Variants in PDZD9 observed in about 807,000 individuals in gnomAD.
PDZD9 encodes PDZ domain-containing protein 9.
A neutral mutation model predicts 16.3 loss-of-function variants in PDZD9; 13 were observed. The ratio of observed to expected loss-of-function variants is 0.80; its 90% CI spans 0.52 to 1.27. The LOEUF (loss-of-function observed/expected upper bound fraction) is 1.27. Among genes scored for constraint, PDZD9 ranks in the 50% most tolerant of loss-of-function variants. The pLI is 0.00. For synonymous variants in PDZD9, 120 were observed against 111.0 expected (o/e 1.08, Z -0.51); for missense variants, 288 against 310.9 (o/e 0.93, Z 0.55).
At chr16:21,990,991 C>T (rs1191083937) in intron 2 of PDZD9, among the ~76,000 whole-genome samples, 5 of 151,944 alleles carry the variant, frequency 3.3e-5, no homozygotes, top group African/African-American at 4.8e-5. Flanking sequence ...AACTTTGTCT[C>T]GATTACCTAC....
intron 2 of PDZD9, among the ~76,000 whole-genome samples, chr16:21,991,865 C>A (rs1899029977): frequency 6.6e-6 from 1 of 152,128 alleles, no homozygotes; most frequent in African/African-American, 2.4e-5. Flanking sequence ...AGATTTGGGG[C>A]TCTGGACTTC....
chr16:21,971,936 A>T, the PDZD9 span: 1 of 1,614,118 alleles, frequency 6.2e-7, no homozygotes, highest in Non-Finnish European at 8.5e-7. Flanking sequence ...AAATCCGAGA[A>T]CAGAATGGAG....
the PDZD9 span, among the ~76,000 whole-genome samples, chr16:21,969,875 T>G: frequency 7.0e-6 from 1 of 143,490 alleles, no homozygotes; most frequent in East Asian, 2.0e-4. Context: ...TTTGTTTTTG[T>G]TTTTTTTTTT....
rs1362670035 is a variant in PDZD9 at position 21,988,714 on chromosome 16, T to TA, written c.288dup (p.Ile97TyrfsTer17). The TA allele has an allele frequency of 2.5e-6, 4 of 1,613,138 alleles. No individual in the cohort carries two copies. The Admixed American group carries it at 6.7e-5, about 27-fold the overall frequency. On this transcript the variant is annotated frameshift_variant, in exon 3 of 4. Coordinates refer to ENST00000424898, the MANE Select transcript of PDZD9 (RefSeq NM_001363519.1). LOFTEE classifies it high-confidence loss of function. ...ATTTGTAGCACTGTTCCAATAGTGA[T>TA]ATGTTGCAAAAGCTGTAAAAATTCT...
At position 21,992,162 on chromosome 16, in the gene PDZD9, G is replaced by A. The variant is rs751971631; in HGVS notation, c.212-3371C>T. Among the ~76,000 whole-genome samples the A allele has an allele frequency of 3.3e-5, 5 of 152,074 alleles. No homozygotes were observed. In the East Asian group the frequency reaches 9.6e-4, roughly 29 times the overall value. ...GAGGATTGCTTGAGCCCAGGGGTTC[G>A]AGGCTGCAGTGAGCTATGATTGCGC... On this transcript the variant is annotated intron_variant, in intron 2 of 3. Transcript: ENST00000424898.
chr16:21,996,945 C>T (rs1366222708), intron 1 of PDZD9, among the ~76,000 whole-genome samples: 2 of 152,132 alleles, frequency 1.3e-5, no homozygotes, highest in South Asian at 2.1e-4. Flanking sequence ...ACCTCAGCCT[C>T]CTAAGTAGCT....
At chr16:21,994,688 C>G (rs1015111849) in intron 2 of PDZD9, among the ~76,000 whole-genome samples, 1 of 152,196 alleles carries the variant, frequency 6.6e-6, no homozygotes, top group Non-Finnish European at 1.5e-5. Flanking sequence ...GTTAGCAATG[C>G]TTAATACTGC....
chr16:21,988,371 C>A (rs1426403485), intron 3 of PDZD9, among the ~76,000 whole-genome samples: 1 of 152,040 alleles, frequency 6.6e-6, no homozygotes, highest in Admixed American at 6.6e-5. Context: ...GGCATGGGGA[C>A]AAAATTCCCA....
At chr16:21,977,551 A>C in the PDZD9 span, among the ~76,000 whole-genome samples, 1 of 152,140 alleles carries the variant, frequency 6.6e-6, no homozygotes, top group Non-Finnish European at 1.5e-5. Context: ...CAATTTATAA[A>C]TCCCCACTGT....
chr16:21,992,720 G>A (rs749409736), intron 2 of PDZD9, among the ~76,000 whole-genome samples: 1 of 152,200 alleles, frequency 6.6e-6, no homozygotes, highest in Non-Finnish European at 1.5e-5. Flanking sequence ...ACAGACTGGA[G>A]GCTACACTGT....
chr16:21,968,924 CAA>C, the PDZD9 span, among the ~76,000 whole-genome samples: 1 of 152,090 alleles, frequency 6.6e-6, no homozygotes, highest in African/African-American at 2.4e-5. Context: ...AAACCTGTGA[CAA>C]AGGTGAATTT....
At chr16:21,974,902 A>C in the PDZD9 span, among the ~76,000 whole-genome samples, 1 of 152,214 alleles carries the variant, frequency 6.6e-6, no homozygotes, top group Non-Finnish European at 1.5e-5. Context: ...CAGGAGGCTA[A>C]GTCATGTTTT....
Position 21,988,801 on chromosome 16 carries a change from G to A in PDZD9, c.212-10C>T, listed in dbSNP as rs1898950217. 4.4e-6 allele frequency: 7 copies of A among 1,584,274 alleles called. No individual in the cohort carries two copies. Among genetic ancestry groups the A allele is most frequent in the African/African-American group, 1.4e-5 (1 of 73,208 alleles). ...CTAATCAGAACATCACCTGAAGAGG[G>A]AAAAAATTATGTATCAGTAAAACTA... On this transcript the variant is annotated splice_polypyrimidine_tract_variant and intron_variant, in intron 2 of 3. Coordinates refer to ENST00000424898, the MANE Select transcript of PDZD9 (RefSeq NM_001363519.1).
chr16:21,968,755 G>A, the PDZD9 span: 1 of 1,424,022 alleles, frequency 7.0e-7, no homozygotes, highest in Non-Finnish European at 9.5e-7. Flanking sequence ...GTAATTACGT[G>A]AACATAGGAT....
At chr16:21,996,290 G>A (rs1454674433) in intron 2 of PDZD9, 32 bp downstream of exon 2, 2 of 1,523,194 alleles carry the variant, frequency 1.3e-6, no homozygotes, top group Non-Finnish European at 1.8e-6. Flanking sequence ...GGCAGGATGG[G>A]TGGTTGGGAA....
downstream of PDZD9, among the ~76,000 whole-genome samples, chr16:21,979,378 T>G (rs1472386933): frequency 6.6e-6 from 1 of 152,184 alleles, no homozygotes; most frequent in Non-Finnish European, 1.5e-5. Context: ...GGGGATACAT[T>G]CTGAGAAATG....
rs948460842 is a variant in PDZD9 at position 21,984,717 on chromosome 16, C to T, written c.402-57G>A. The stretch of plus-strand genomic sequence containing the variant: ...TTCTTCATGTCTAAACATTTATGGT[C>T]CCCTAACAAGATGCCTTATAACTTG... On this transcript the variant is annotated intron_variant, in intron 3 of 3. Transcript: ENST00000424898. 10 of 1,358,044 alleles carry T rather than the reference C, an allele frequency of 7.4e-6. No homozygotes were observed. In the African/African-American group the frequency reaches 1.5e-4, roughly 20 times the overall value. 84.1% of individuals were successfully genotyped at this position (1,358,044 alleles called of 1,614,324 possible).
chr16:21,996,549 C>T (rs1899156685), intron 1 of PDZD9, 48 bp from the exon 2 acceptor site: 6 of 1,475,776 alleles, frequency 4.1e-6, no homozygotes, highest in South Asian at 1.3e-5. Context: ...AAGACAGAAG[C>T]ATGGCCATAC....
At chr16:21,966,569 CTTAG>C in the PDZD9 span, among the ~76,000 whole-genome samples, 2 of 152,130 alleles carry the variant, frequency 1.3e-5, no homozygotes, top group South Asian at 2.1e-4. Context: ...TCGTTTTATT[CTTAG>C]TTAGCTGTTA....
Sources: gnomAD v4.1 joint callset for allele counts (sites outside exome capture counted in the v4.1 genomes callset) on GRCh38, gnomAD v4.1.1 for gene constraint, MANE v1.5 for transcripts, NCBI Gene and HGNC (gene_info 2026-07-23, HGNC 2026-07-21) for gene names.